FNDC5: variants seen among roughly 807,000 people sequenced by gnomAD.
The protein encoded by FNDC5 is fibronectin type III domain-containing protein 5.
Under a neutral mutation model 24.6 loss-of-function variants are expected in FNDC5, and 10 were observed. That is an observed-to-expected ratio of 0.41 (90% CI 0.25 to 0.69). FNDC5 has a LOEUF of 0.69. Ranked by LOEUF, FNDC5 falls within the 30% of genes least tolerant of loss-of-function variation. The pLI is 0.34. For missense variants in FNDC5, 226 were observed against 282.9 expected, an observed-to-expected ratio of 0.80 and a Z score of 1.44; for synonymous variants, 90 against 110.7, an observed-to-expected ratio of 0.81 and a Z score of 1.18.
intron 1 of FNDC5, among the ~76,000 whole-genome samples, chr1:32,869,461 C>G: frequency 6.6e-6 from 1 of 152,346 alleles, no homozygotes; most frequent in East Asian, 1.9e-4. Context: ...ACCCAGAGAT[C>G]GAGAAGTGTC....
In FNDC5 at chr1:32,870,629, GCCCC is replaced by G; in HGVS notation, c.94+20_94+23del. 8.4e-7 allele frequency: 1 copy of G among 1,193,890 alleles called. No individual in the cohort carries two copies. The highest frequency in any genetic ancestry group is 1.0e-6 in the Non-Finnish European group (1 of 960,880). The allele number at this position is 1,193,890 out of a possible 1,614,324, so 74.0% of individuals were successfully genotyped here. A position where few individuals can be genotyped will look rare whatever the true frequency, so the allele number is the denominator to read the frequency against. Reference sequence around the variant, plus strand: ...TCGAGAGGAGCCTGCCCCGGCGCCGGCCCCCCGCCCCGGGCCCCCTTACCCGCCT... The same window carrying G: ...TCGAGAGGAGCCTGCCCCGGCGCCGGCCGCCCCGGGCCCCCTTACCCGCCT... On this transcript the variant is annotated intron_variant, in intron 1 of 5. Transcript: ENST00000373471.
rs1243999658 is a variant in FNDC5, at chr1:32,868,589, T to C, written c.211-201A>G. On this transcript the variant is annotated intron_variant, in intron 2 of 5. Transcript: ENST00000373471. This position sits in a 1 kb window ranked among gnomAD's most constrained non-coding sequence, Gnocchi z 4.8. Reference sequence around the variant, plus strand: ...CCAAGGCCACACATCTAGTAAGCACTGGAGCTAGGTCCTAAATGCAGATGT... The same window carrying C: ...CCAAGGCCACACATCTAGTAAGCACCGGAGCTAGGTCCTAAATGCAGATGT... 6.6e-6 allele frequency among the ~76,000 whole-genome samples: 1 copy of C among 152,174 alleles called. No individual in the cohort carries two copies. Among genetic ancestry groups the C allele is most frequent in the African/African-American group, 2.4e-5 (1 of 41,440 alleles).
chr1:32,870,747 G>A lies in FNDC5; in HGVS notation c.-1C>T. On this transcript the variant is annotated 5_prime_UTR_variant, in exon 1 of 6. Coordinates refer to ENST00000373471, the MANE Select transcript of FNDC5 (RefSeq NM_153756.3). Reference sequence around the variant, plus strand: ...AGGCGCTCGGCGACCCGGGGTGTATGGTGGCTCCTCCGGCCGGCAGGCCCG... The same window carrying A: ...AGGCGCTCGGCGACCCGGGGTGTATAGTGGCTCCTCCGGCCGGCAGGCCCG... The A allele has an allele frequency of 8.8e-7, 1 of 1,141,176 alleles. No homozygotes were observed. The highest frequency in any genetic ancestry group is 1.1e-6 in the Non-Finnish European group (1 of 930,512). 70.7% of individuals were successfully genotyped at this position (1,141,176 alleles called of 1,614,324 possible). A position where few individuals can be genotyped will look rare whatever the true frequency, so the allele number is the denominator to read the frequency against.
At chr1:32,866,389 A>G (rs1641071584) in intron 4 of FNDC5, among the ~76,000 whole-genome samples, 1 of 152,084 alleles carries the variant, frequency 6.6e-6, no homozygotes, top group Non-Finnish European at 1.5e-5. Flanking sequence ...ATGGTATTCA[A>G]ATCCCTCAAA....
chr1:32,868,159 C>A lies in FNDC5; in HGVS notation c.409+31G>T. 6.2e-7 allele frequency: 1 copy of A among 1,610,374 alleles called. No homozygotes were observed. Among genetic ancestry groups the A allele is most frequent in the East Asian group, 2.2e-5 (1 of 44,818 alleles). ...TGGTCCTGACCACCCCTCACCCCAC[C>A]CCATTCCTCTTAACAGTGACCCGGG... On this transcript the variant is annotated intron_variant, in intron 3 of 5. Coordinates refer to ENST00000373471, the MANE Select transcript of FNDC5 (RefSeq NM_153756.3). The surrounding 1 kb of genome is among the most constrained non-coding windows in gnomAD (Gnocchi z 4.8).
Position 32,868,248 on chromosome 1 carries a change from G to A in FNDC5, c.351C>T (p.Ser117=), listed in dbSNP as rs377691602. Residue 117 remains serine (S), a synonymous_variant, in exon 3 of 6, where the codon AGC becomes AGT. Coordinates refer to ENST00000373471, the MANE Select transcript of FNDC5 (RefSeq NM_153756.3). The surrounding 1 kb of genome is among the most constrained non-coding windows in gnomAD (Gnocchi z 4.8). ...GCGGGGTCTTGAAGAGCACAGGCTC[G>A]CTGGCTGGGCTCTGGCCCTGAATGG... 1.1e-5 allele frequency: 17 copies of A among 1,614,020 alleles called. No homozygotes were observed. Among genetic ancestry groups the A allele is most frequent in the Middle Eastern group, 1.6e-4 (1 of 6,084 alleles).
intron 4 of FNDC5, among the ~76,000 whole-genome samples, chr1:32,865,761 A>T (rs1470959215): frequency 6.6e-6 from 1 of 152,170 alleles, no homozygotes; most frequent in Non-Finnish European, 1.5e-5. Flanking sequence ...GTGCACTGAC[A>T]TATTCTATCT....
At chr1:32,866,717 A>G (rs1641077695) in intron 4 of FNDC5, among the ~76,000 whole-genome samples, 1 of 152,168 alleles carries the variant, frequency 6.6e-6, no homozygotes. Flanking sequence ...GAAAAAGAAA[A>G]AAGAAGAGTA....
rs1641152619 is a variant in FNDC5, at chr1:32,870,180, G to A, written c.94+473C>T. ...ACTGTACCAGATCAGGGGTGCCGGG[G>A]CCCACCCCACGCCCTGCGCCCTCAG... On this transcript the variant is annotated intron_variant, in intron 1 of 5. Coordinates refer to ENST00000373471, the MANE Select transcript of FNDC5 (RefSeq NM_153756.3). 2.0e-5 allele frequency among the ~76,000 whole-genome samples: 3 copies of A among 152,234 alleles called. No homozygotes were observed. The South Asian group carries it at 6.2e-4, about 32-fold the overall frequency.
At position 32,864,693 on chromosome 1, in the gene FNDC5, G is replaced by T. The variant is rs759315666; in HGVS notation, c.604C>A (p.His202Asn). ...CTGCGGAGAAGCCCCCCGCCCTGGT[G>T]CTCTGGTGTGCTGGTTTCTGATGCA... Residue 202 changes from histidine to asparagine, a missense_variant, in exon 5 of 6, where the codon CAC (histidine) becomes AAC (asparagine). His to Asn is a moderately conservative substitution (Grantham distance 68). Transcript: ENST00000373471. 2.5e-6 allele frequency: 4 copies of T among 1,614,174 alleles called. No homozygotes were observed. In the Admixed American group the frequency reaches 5.0e-5, roughly 20 times the overall value.
chr1:32,871,670 G>A (rs997819901), upstream of FNDC5, among the ~76,000 whole-genome samples: 4 of 152,180 alleles, frequency 2.6e-5, no homozygotes, highest in African/African-American at 9.7e-5. Flanking sequence ...GCAGAGCCAG[G>A]ATTTGAACAC....
rs1049870919 is a variant in FNDC5, at chr1:32,868,969, G to A, written c.123C>T (p.Thr41=). 4.9e-6 allele frequency: 6 copies of A among 1,234,282 alleles called. No homozygotes were observed. Among genetic ancestry groups the A allele is most frequent in the Middle Eastern group, 3.1e-4 (1 of 3,234 alleles). The allele number at this position is 1,234,282 out of a possible 1,614,324, so 76.5% of individuals were successfully genotyped here. A position where few individuals can be genotyped will look rare whatever the true frequency, so the allele number is the denominator to read the frequency against. ...CAGAGTTGGCCTTGAGGTGCCTGAC[G>A]GTGACGTTCACTGGGGCTGAGGGAC... The change falls in exon 2 of 6, where the codon ACC becomes ACT. Residue 41 remains threonine, a synonymous_variant. Coordinates refer to ENST00000373471, the MANE Select transcript of FNDC5 (RefSeq NM_153756.3). The surrounding 1 kb of genome is among the most constrained non-coding windows in gnomAD (Gnocchi z 4.8).
chr1:32,865,607 G>T (rs879289315), intron 4 of FNDC5, among the ~76,000 whole-genome samples: 3 of 151,970 alleles, frequency 2.0e-5, no homozygotes, highest in Admixed American at 6.5e-5. Flanking sequence ...CTGAGATCAG[G>T]CCACTGCACT....
rs1235186557 is a variant in FNDC5, at chr1:32,864,247, CT to C, written c.*46del. 13 of 1,614,190 alleles carry C rather than the reference CT, an allele frequency of 8.1e-6. No individual in the cohort carries two copies. Among genetic ancestry groups the C allele is most frequent in the Non-Finnish European group, 1.1e-5 (13 of 1,180,034 alleles). On this transcript the variant is annotated 3_prime_UTR_variant, in exon 6 of 6. Transcript: ENST00000373471. ...GAACCATGAGATCCTCTCACATTCT[CT>C]ACTGTCTGTCTTCTTAGCTGCTGAG...
intron 4 of FNDC5, among the ~76,000 whole-genome samples, chr1:32,867,462 G>C (rs1641092193): frequency 6.6e-6 from 1 of 152,182 alleles, no homozygotes; most frequent in Non-Finnish European, 1.5e-5. Flanking sequence ...GAGGTAAAAG[G>C]CCTGTGGAAG....
Position 32,870,065 on chromosome 1 carries a change from T to A in FNDC5, c.94+588A>T, listed in dbSNP as rs1264142800. 4.0e-5 allele frequency among the ~76,000 whole-genome samples: 6 copies of A among 151,694 alleles called. No homozygotes were observed. The South Asian group carries it at 1.3e-3, about 32-fold the overall frequency. ...GCTCCCCGAGCCACGGAGGGAGAGA[T>A]GAGCCGGGCAGCGGCAGCCAGGAGG... On this transcript the variant is annotated intron_variant, in intron 1 of 5. Transcript: ENST00000373471.
chr1:32,870,629 G>GC (rs1287614289), intron 1 of FNDC5, 24 bp downstream of exon 1: 20 of 1,193,782 alleles, frequency 1.7e-5, no homozygotes, highest in South Asian at 4.2e-5. Context: ...CCCGGCGCCG[G>GC]CCCCCCGCCC....
At chr1:32,866,859 A>G (rs72882320) in intron 4 of FNDC5, among the ~76,000 whole-genome samples, 2,044 of 152,254 alleles carry the variant, frequency 0.013, 46 homozygotes, top group African/African-American at 0.047. Flanking sequence ...TGCTGGTTGA[A>G]TTGAGTACAA....
chr1:32,869,587 C>T (rs1298645148), intron 1 of FNDC5, among the ~76,000 whole-genome samples: 10 of 152,170 alleles, frequency 6.6e-5, no homozygotes, highest in Non-Finnish European at 1.5e-4. Context: ...TATCCATGCT[C>T]TTCCAGCCCC....
Sources: gnomAD v4.1 joint callset for allele counts (sites outside exome capture counted in the v4.1 genomes callset) on GRCh38, gnomAD v4.1.1 for gene constraint, Gnocchi (gnomAD v3.1) non-coding constraint, MANE v1.5 for transcripts, NCBI Gene and HGNC (gene_info 2026-07-23, HGNC 2026-07-21) for gene names.